SH3TC1: variants seen among roughly 807,000 people sequenced by gnomAD.
The protein encoded by SH3TC1 is SH3 domain and tetratricopeptide repeat-containing protein 1.
SH3TC1 carries 135 observed loss-of-function variants against 117.3 expected under a neutral mutation model. The observed-to-expected ratio is 1.15, with a 90% CI of 1.00 to 1.33. The LOEUF (loss-of-function observed/expected upper bound fraction) is 1.33, where lower values mean the gene tolerates loss of function less well. Among genes scored for constraint, SH3TC1 ranks in the 40% most tolerant of loss-of-function variants. The pLI is 0.00. For synonymous variants in SH3TC1, 898 were observed against 816.9 expected (o/e 1.10, Z -1.69); for missense variants, 2,092 against 1,794.3 (o/e 1.17, Z -3.00).
chr4:8,228,852 C>T (rs1720850284), intron 12 of SH3TC1, among the ~76,000 whole-genome samples: 1 of 152,234 alleles, frequency 6.6e-6, no homozygotes, highest in Non-Finnish European at 1.5e-5. Flanking sequence ...GCCAGCTCCT[C>T]CCGGTTTGCC....
intron 1 of SH3TC1, among the ~76,000 whole-genome samples, chr4:8,188,650 G>A (rs1306033934): frequency 1.3e-5 from 2 of 152,248 alleles, no homozygotes; most frequent in African/African-American, 4.8e-5. Context: ...CAGGGTAGAA[G>A]GGGTGAGGGA....
intron 10 of SH3TC1, among the ~76,000 whole-genome samples, chr4:8,223,702 G>A (rs935266982): frequency 2.7e-5 from 4 of 150,032 alleles, no homozygotes; most frequent in African/African-American, 4.9e-5. Flanking sequence ...GCATGATCTC[G>A]GCTCACTGCA....
Position 8,236,443 on chromosome 4 carries a change from C to T in SH3TC1, c.3556+15C>T. 7.0e-7 allele frequency: 1 copy of T among 1,430,164 alleles called. No individual in the cohort carries two copies. The highest frequency in any genetic ancestry group is 1.5e-5 in the South Asian group (1 of 68,892). 88.6% of individuals were successfully genotyped at this position (1,430,164 alleles called of 1,614,324 possible). On this transcript the variant is annotated intron_variant, in intron 16 of 17. Transcript: ENST00000245105. ...CATCACCCTGGGTAAGCCCCCTGAGCCCCTGCCCTGCCAGGACCCACACTT... is the reference window on the plus strand; with the variant it reads ...CATCACCCTGGGTAAGCCCCCTGAGTCCCTGCCCTGCCAGGACCCACACTT...
rs761407664 is a variant in SH3TC1 at position 8,205,291 on chromosome 4, C to G, written c.97C>G (p.Arg33Gly). ...SGGGSTRDQVRTVVMRPSVSW... is the reference protein window; with the variant it reads ...SGGGSTRDQVGTVVMRPSVSW... ...AGGTGGCAGCACCCGGGACCAGGTC[C>G]GGACTGTGGTCATGAGGCCCTCTGT... The change falls in exon 2 of 18, where the codon CGG becomes GGG. Residue 33 changes from arginine to glycine, a missense_variant. Arg to Gly is a moderately radical substitution (Grantham distance 125). Coordinates refer to ENST00000245105, the MANE Select transcript of SH3TC1 (RefSeq NM_018986.5). The surrounding 1 kb of genome is among the most constrained non-coding windows in gnomAD (Gnocchi z 5.4). The G allele has an allele frequency of 6.4e-7, 1 of 1,550,452 alleles. No homozygotes were observed.
At chr4:8,213,010 C>T in intron 4 of SH3TC1, 182 bp downstream of exon 4, 1 of 760,928 alleles carries the variant, frequency 1.3e-6, no homozygotes, top group Non-Finnish European at 2.0e-6. Context: ...GGGCTTGTTT[C>T]TCCCACTTGC....
Position 8,214,525 on chromosome 4 carries a change from G to A in SH3TC1, c.426G>A (p.Val142=). ...LSIHSDQDRI[V]VTFKTFEEIW... ...TCCACAGTGACCAGGACCGGATCGTGGTGACGTTTAAGACTTTTGAAGAAA... is the reference window on the plus strand; with the variant it reads ...TCCACAGTGACCAGGACCGGATCGTAGTGACGTTTAAGACTTTTGAAGAAA... Residue 142 remains valine (V), a synonymous_variant, in exon 5 of 18, where the codon GTG becomes GTA. Transcript: ENST00000245105. 1 of 1,613,974 alleles carries A rather than the reference G, an allele frequency of 6.2e-7. No individual in the cohort carries two copies.
At position 8,240,917 on chromosome 4, in the gene SH3TC1, G is replaced by T. The variant is rs753523688; in HGVS notation, c.3973G>T (p.Gly1325Trp). The T allele has an allele frequency of 6.2e-7, 1 of 1,612,524 alleles. No homozygotes were observed. The highest frequency in any genetic ancestry group is 8.5e-7 in the Non-Finnish European group (1 of 1,180,008). Residue 1325 changes from glycine (G) to tryptophan (W), a missense_variant, in exon 18 of 18, where the codon GGG (glycine) becomes TGG (tryptophan). By Grantham distance (184) the Gly-to-Trp change is radical. Transcript: ENST00000245105. ...RVNLPPLPLC[G>W]WAPWLAPSHP... The stretch of plus-strand genomic sequence containing the variant: ...CAACCTGCCTCCTCTGCCACTCTGC[G>T]GGTGGGCCCCCTGGTTGGCCCCCAG...
chr4:8,192,736 C>T lies in SH3TC1; in HGVS notation c.-57+10526C>T, dbSNP rs563240462. Among the ~76,000 whole-genome samples, 3 of 152,312 alleles carry T rather than the reference C, an allele frequency of 2.0e-5. No individual in the cohort carries two copies. The highest frequency in any genetic ancestry group is 1.3e-4 in the Admixed American group (2 of 15,302). On this transcript the variant is annotated intron_variant, in intron 1 of 16. Transcript: ENST00000508641. The surrounding 1 kb of genome is among the most constrained non-coding windows in gnomAD (Gnocchi z 4.1). ...CTCAAACTCCTGACCTCGTGATCCA[C>T]CTGCCTTGGTCTCCCTAAGTGCTGG...
intron 9 of SH3TC1, among the ~76,000 whole-genome samples, 175 bp from the exon 10 acceptor site, chr4:8,222,665 T>C (rs1291902969): frequency 9.6e-6 from 1 of 104,160 alleles, no homozygotes; most frequent in African/African-American, 3.7e-5. Flanking sequence ...TGAGCCACCA[T>C]GCCTGGACTT....
intron 17 of SH3TC1, among the ~76,000 whole-genome samples, chr4:8,238,038 A>G (rs1721980424): frequency 6.6e-6 from 1 of 152,170 alleles, no homozygotes; most frequent in Non-Finnish European, 1.5e-5. Context: ...AGGGAGAAGG[A>G]CATTTGGGGG....
intron 7 of SH3TC1, 144 bp from the exon 8 acceptor site, chr4:8,218,127 T>A (rs1217654418): frequency 1.2e-5 from 7 of 568,710 alleles, no homozygotes; most frequent in Non-Finnish European, 2.2e-5. Flanking sequence ...TGTGTGTGTG[T>A]GTGTGTGTGC....
At chr4:8,239,497 C>A (rs529937023) in intron 17 of SH3TC1, among the ~76,000 whole-genome samples, 1 of 151,054 alleles carries the variant, frequency 6.6e-6, no homozygotes, top group Non-Finnish European at 1.5e-5. Flanking sequence ...CACAGGCACA[C>A]GCAAATGCAC....
In SH3TC1 at chr4:8,225,215, A is replaced by G. The variant is rs773812927; in HGVS notation, c.1284A>G (p.Lys428=). The change falls in exon 11 of 18, where the codon AAA becomes AAG. Residue 428 remains lysine, a splice_region_variant and synonymous_variant. Coordinates refer to ENST00000245105, the MANE Select transcript of SH3TC1 (RefSeq NM_018986.5). This position sits in a 1 kb window ranked among gnomAD's most constrained non-coding sequence, Gnocchi z 5.5. ...EEAETEQPQE[K]EIPPPCLSLE... ...CTGAGACCGAGCAGCCGCAGGAAAA[A>G]GGTGGGTTTTGCCAGTGGCTCAGGC... 6.2e-7 allele frequency: 1 copy of G among 1,613,614 alleles called. No homozygotes were observed. The highest frequency in any genetic ancestry group is 1.7e-5 in the Admixed American group (1 of 59,980).
chr4:8,196,035 C>T (rs540632648), upstream of SH3TC1, among the ~76,000 whole-genome samples: 60 of 152,356 alleles, frequency 3.9e-4, no homozygotes, highest in Admixed American at 9.1e-4. The surrounding 1 kb of genome is among the most constrained non-coding windows in gnomAD (Gnocchi z 4.6). Context: ...ACCTGCCTGT[C>T]GAGCGCAGCC....
chr4:8,205,903 G>T lies in SH3TC1; in HGVS notation c.172+537G>T. On this transcript the variant is annotated intron_variant, in intron 2 of 17. Transcript: ENST00000245105. This position sits in a 1 kb window ranked among gnomAD's most constrained non-coding sequence, Gnocchi z 5.4. ...ACCCCCATCCTGAGACCCTGAAGGG[G>T]ACGAGGGGAGAGGCAGGGGAGACCA... The T allele has an allele frequency of 1.8e-6, 1 of 541,652 alleles. No individual in the cohort carries two copies. The allele number at this position is 541,652 out of a possible 1,614,324, so 33.6% of individuals were successfully genotyped here. A position where few individuals can be genotyped will look rare whatever the true frequency, so the allele number is the denominator to read the frequency against.
intron 7 of SH3TC1, among the ~76,000 whole-genome samples, chr4:8,217,948 C>A (rs913469361): frequency 6.6e-6 from 1 of 151,984 alleles, no homozygotes. Flanking sequence ...TCTCCCTCAC[C>A]CCTCACTGTG....
intron 17 of SH3TC1, among the ~76,000 whole-genome samples, chr4:8,238,198 G>C (rs2152998951): frequency 6.6e-6 from 1 of 152,318 alleles, no homozygotes; most frequent in East Asian, 1.9e-4. Context: ...CACCCAGGCA[G>C]GGTGGGGCGG....
At chr4:8,234,157 C>G (rs1239063102) in intron 14 of SH3TC1, among the ~76,000 whole-genome samples, 1 of 71,366 alleles carries the variant, frequency 1.4e-5, no homozygotes, top group Non-Finnish European at 3.9e-5. Flanking sequence ...TCCATCCATC[C>G]ATCCTTCCAT....
In SH3TC1 at chr4:8,228,580, C is replaced by G. The variant is rs1364448267; in HGVS notation, c.2886C>G (p.Ala962=). 6.3e-7 allele frequency: 1 copy of G among 1,590,988 alleles called. No individual in the cohort carries two copies. Among genetic ancestry groups the G allele is most frequent in the South Asian group, 1.2e-5 (1 of 86,826 alleles). ...LGHLCTRQGP[A]QQGKGYYEWA... ...ATCTCTGCACCCGCCAGGGCCCGGC[C>G]CAGCAGGGCAAGGGCTACTACGAGT... Residue 962 remains alanine, a synonymous_variant, in exon 12 of 18, where the codon GCC becomes GCG. Transcript: ENST00000245105.
Sources: allele counts gnomAD v4.1 joint callset (sites outside exome capture counted in the v4.1 genomes callset), GRCh38; gene constraint gnomAD v4.1.1; non-coding constraint Gnocchi (gnomAD v3.1); transcripts MANE v1.5; gene names NCBI Gene and HGNC (gene_info 2026-07-23, HGNC 2026-07-21).